KIAA1217: variants seen among roughly 807,000 people sequenced by gnomAD.
KIAA1217 encodes sickle tail protein homolog.
In KIAA1217, 88 loss-of-function variants were observed where a neutral mutation model predicts 163.9. That is an observed-to-expected ratio of 0.54 (90% confidence interval 0.45 to 0.64). KIAA1217 has a LOEUF of 0.64. KIAA1217 is among the 30% of genes least tolerant of loss of function. The pLI, the probability that KIAA1217 is intolerant of heterozygous loss-of-function variation, is 0.00. For missense variants in KIAA1217, 2,372 were observed against 2,475.0 expected (o/e 0.96, Z 0.88); for synonymous variants, 903 against 923.1 (o/e 0.98, Z 0.39).
intron 2 of KIAA1217, among the ~76,000 whole-genome samples, chr10:24,076,097 G>T (rs772043678): frequency 5.3e-5 from 8 of 152,126 alleles, no homozygotes; most frequent in Non-Finnish European, 8.8e-5. Flanking sequence ...AACAACCTGT[G>T]GGACCTAATC....
intron 1 of KIAA1217, among the ~76,000 whole-genome samples, chr10:23,885,672 T>C (rs902417398): frequency 1.3e-5 from 2 of 151,906 alleles, no homozygotes; most frequent in Admixed American, 1.3e-4. Context: ...AGATGCTTGA[T>C]AAATATTCGT....
At chr10:24,082,162 A>G (rs189960820) in intron 2 of KIAA1217, among the ~76,000 whole-genome samples, 67 of 152,288 alleles carry the variant, frequency 4.4e-4, no homozygotes, top group Non-Finnish European at 7.6e-4. Flanking sequence ...ACTTCACCCC[A>G]GAGGAATTCA....
At position 23,894,120 on chromosome 10, in the gene KIAA1217, G is replaced by A. The variant is rs537844551; in HGVS notation, c.-320-113105G>A. ...TCTCTCACCACTCCTATTCAACATA[G>A]TGTTGGAAGTTCTGGCCAGGGCAAT... On this transcript the variant is annotated intron_variant, in intron 1 of 18. Coordinates refer to the KIAA1217 transcript ENST00000376462. Among the ~76,000 whole-genome samples the A allele has an allele frequency of 4.2e-3, 629 of 149,878 alleles. 6 individuals carry two copies. The highest frequency in any genetic ancestry group is 0.014 in the African/African-American group (571 of 41,196).
intron 1 of KIAA1217, among the ~76,000 whole-genome samples, chr10:23,816,574 G>T (rs1837323604): frequency 6.6e-6 from 1 of 152,156 alleles, no homozygotes; most frequent in Admixed American, 6.5e-5. Flanking sequence ...GGCCTAGGCA[G>T]GTGGATCACT....
intron 1 of KIAA1217, among the ~76,000 whole-genome samples, chr10:23,754,659 C>T (rs1284176492): frequency 3.9e-5 from 6 of 152,148 alleles, no homozygotes; most frequent in Admixed American, 2.6e-4. Context: ...TCCTGCATCT[C>T]GAGGATAAAG....
chr10:23,998,312 A>G (rs1846590327), intron 1 of KIAA1217, among the ~76,000 whole-genome samples: 2 of 152,216 alleles, frequency 1.3e-5, no homozygotes, highest in Admixed American at 1.3e-4. Context: ...AATAAAAATC[A>G]AACCTCAATG....
chr10:24,060,719 C>T (rs1352162964), intron 2 of KIAA1217, among the ~76,000 whole-genome samples: 4 of 152,044 alleles, frequency 2.6e-5, no homozygotes, highest in African/African-American at 9.7e-5. Context: ...TTATTTGAGC[C>T]CCAGAGTTCC....
intron 1 of KIAA1217, among the ~76,000 whole-genome samples, chr10:23,924,532 A>G (rs926522099): frequency 1.3e-5 from 2 of 152,150 alleles, no homozygotes; most frequent in Non-Finnish European, 2.9e-5. Flanking sequence ...AGAAGTAGTG[A>G]CCTTAAGGTC....
At chr10:24,162,295 A>G (rs998074027) in intron 2 of KIAA1217, among the ~76,000 whole-genome samples, 1 of 152,228 alleles carries the variant, frequency 6.6e-6, no homozygotes, top group East Asian at 1.9e-4. Flanking sequence ...GCCTAAAGCC[A>G]TGCTTTGTAT....
At chr10:23,721,007 T>C (rs1258557900) in intron 1 of KIAA1217, among the ~76,000 whole-genome samples, 1 of 152,206 alleles carries the variant, frequency 6.6e-6, no homozygotes, top group Non-Finnish European at 1.5e-5. Flanking sequence ...TTTGGATTCA[T>C]GGCATTCATA....
chr10:24,142,249 G>A (rs1005307478), intron 2 of KIAA1217, among the ~76,000 whole-genome samples: 3 of 152,098 alleles, frequency 2.0e-5, no homozygotes, highest in Non-Finnish European at 4.4e-5. Flanking sequence ...ACATACCTAC[G>A]AGTTTTCCAG....
intron 1 of KIAA1217, among the ~76,000 whole-genome samples, chr10:23,928,440 T>C (rs1457822290): frequency 1.3e-5 from 2 of 152,186 alleles, no homozygotes; most frequent in Non-Finnish European, 2.9e-5. Flanking sequence ...ATCATGCAAT[T>C]AGCAAATGAT....
intron 1 of KIAA1217, among the ~76,000 whole-genome samples, chr10:23,833,786 G>T (rs1838324704): frequency 6.6e-6 from 1 of 151,788 alleles, no homozygotes; most frequent in Non-Finnish European, 1.5e-5. Flanking sequence ...TCTTTCCCTA[G>T]ATCCTGGAAT....
intron 5 of KIAA1217, among the ~76,000 whole-genome samples, chr10:24,451,153 C>A (rs942157002): frequency 6.6e-6 from 1 of 152,154 alleles, no homozygotes; most frequent in Non-Finnish European, 1.5e-5. Flanking sequence ...ACTACACAGA[C>A]CTTTCCTGCT....
At chr10:24,274,370 A>G (rs979424814) in intron 2 of KIAA1217, among the ~76,000 whole-genome samples, 1 of 149,772 alleles carries the variant, frequency 6.7e-6, no homozygotes, top group African/African-American at 2.5e-5. Flanking sequence ...TTTTTTTGAG[A>G]CGGAATATTG....
At chr10:24,088,146 G>A (rs2061769820) in intron 2 of KIAA1217, among the ~76,000 whole-genome samples, 1 of 122,212 alleles carries the variant, frequency 8.2e-6, no homozygotes, top group Admixed American at 8.0e-5. Flanking sequence ...TGCAGAAGAA[G>A]CTAATGACTT....
At chr10:24,446,185 A>G (rs2060918628) in intron 5 of KIAA1217, among the ~76,000 whole-genome samples, 1 of 152,098 alleles carries the variant, frequency 6.6e-6, no homozygotes, top group Non-Finnish European at 1.5e-5. Flanking sequence ...TCTTCTTTTG[A>G]GAAGTGTCTG....
chr10:24,288,286 T>C (rs1291528731), intron 2 of KIAA1217, among the ~76,000 whole-genome samples: 2 of 152,250 alleles, frequency 1.3e-5, no homozygotes, highest in African/African-American at 4.8e-5. Context: ...TTTTCCTATT[T>C]TATAGACTAG....
intron 1 of KIAA1217, among the ~76,000 whole-genome samples, chr10:23,738,877 AG>A (rs1838952694): frequency 1.3e-5 from 2 of 152,214 alleles, no homozygotes; most frequent in African/African-American, 4.8e-5. Context: ...TGAGGGGAAT[AG>A]GGAATACACA....
Sources: allele counts gnomAD v4.1 joint callset (sites outside exome capture counted in the v4.1 genomes callset), GRCh38; gene constraint gnomAD v4.1.1; transcripts MANE v1.5; gene names NCBI Gene and HGNC (gene_info 2026-07-23, HGNC 2026-07-21).